Variants in DEUP1 observed in about 807,000 individuals in gnomAD.
DEUP1 encodes deuterosome assembly protein 1.
In DEUP1, 82 loss-of-function variants were observed where a neutral mutation model predicts 87.4. The observed-to-expected ratio is 0.94, with a 90% confidence interval of 0.78 to 1.13. DEUP1 has a LOEUF of 1.13. Ranked by LOEUF, DEUP1 falls within the 50% of genes most tolerant of loss-of-function variation. The probability of loss-of-function intolerance (pLI) is 0.00; values close to 1 mark genes in which losing one functional copy is unlikely to be tolerated. For missense variants in DEUP1, 663 were observed against 681.5 expected (o/e 0.97, Z 0.30); for synonymous variants, 214 against 222.7 (o/e 0.96, Z 0.35).
rs1416418947 is a variant in DEUP1, at chr11:93,396,361, G to A, written c.1326+36G>A. 1.7e-5 allele frequency: 22 copies of A among 1,282,878 alleles called. No individual in the cohort carries two copies. In the Middle Eastern group the frequency reaches 7.5e-4, roughly 44 times the overall value. The allele number at this position is 1,282,878 out of a possible 1,614,324, so 79.5% of individuals were successfully genotyped here. On this transcript the variant is annotated intron_variant, in intron 11 of 13. Coordinates refer to ENST00000298050, the MANE Select transcript of DEUP1 (RefSeq NM_181645.4). Reference sequence around the variant, plus strand: ...GACATCATTCAATAAATTGAACAAAGAGATTACTGAATTGGTCACGATTAA... The same window carrying A: ...GACATCATTCAATAAATTGAACAAAAAGATTACTGAATTGGTCACGATTAA...
chr11:93,401,807 T>C (rs1324550648), intron 11 of DEUP1, among the ~76,000 whole-genome samples: 1 of 151,976 alleles, frequency 6.6e-6, no homozygotes, highest in African/African-American at 2.4e-5. Flanking sequence ...TAATTACGTG[T>C]AGAAGAATAA....
At chr11:93,349,128 A>G (rs532225526) in intron 2 of DEUP1, among the ~76,000 whole-genome samples, 1 of 152,224 alleles carries the variant, frequency 6.6e-6, no homozygotes, top group East Asian at 1.9e-4. Flanking sequence ...CTGCCTTGCA[A>G]ATCTCTCTAT....
At chr11:93,401,933 A>C (rs1947132143) in intron 11 of DEUP1, among the ~76,000 whole-genome samples, 1 of 152,008 alleles carries the variant, frequency 6.6e-6, no homozygotes, top group African/African-American at 2.4e-5. Context: ...ATACTCCATG[A>C]CTTTAGTCTG....
chr11:93,341,578 GA>G (rs1214105087), intron 2 of DEUP1, among the ~76,000 whole-genome samples: 2 of 152,152 alleles, frequency 1.3e-5, no homozygotes, highest in African/African-American at 2.4e-5. Flanking sequence ...TTGGGTCTTG[GA>G]GGGTCTATTG....
intron 2 of DEUP1, among the ~76,000 whole-genome samples, chr11:93,352,697 G>A (rs1944684877): frequency 6.6e-6 from 1 of 152,144 alleles, no homozygotes; most frequent in Non-Finnish European, 1.5e-5. Flanking sequence ...GGCAGGAGGT[G>A]AAAGGCACTT....
intron 7 of DEUP1, among the ~76,000 whole-genome samples, chr11:93,372,440 A>C (rs1264709330): frequency 1.3e-5 from 2 of 152,080 alleles, no homozygotes; most frequent in Non-Finnish European, 2.9e-5. Context: ...TTTCCTTGAG[A>C]TATACCACCC....
At chr11:93,371,303 C>T in intron 7 of DEUP1, 23 bp downstream of exon 7, 1 of 1,601,058 alleles carries the variant, frequency 6.2e-7, no homozygotes, top group Non-Finnish European at 8.5e-7. Context: ...TTTTTTTCAA[C>T]TAATATTGTC....
intron 12 of DEUP1, among the ~76,000 whole-genome samples, chr11:93,409,395 T>C (rs1012432692): frequency 6.6e-6 from 1 of 152,254 alleles, no homozygotes; most frequent in African/African-American, 2.4e-5. Context: ...TATGGAGTCA[T>C]AAGTCTCTGA....
intron 1 of DEUP1, among the ~76,000 whole-genome samples, chr11:93,331,026 T>C (rs1943446228): frequency 6.6e-6 from 1 of 152,230 alleles, no homozygotes; most frequent in Non-Finnish European, 1.5e-5. Context: ...TTGTGTGGCC[T>C]TGGGCAAGCC....
At chr11:93,350,996 AT>A (rs1180914343) in intron 2 of DEUP1, among the ~76,000 whole-genome samples, 2 of 148,108 alleles carry the variant, frequency 1.4e-5, no homozygotes, top group African/African-American at 4.9e-5. Context: ...TTATATGAAA[AT>A]TTATTTTCAT....
intron 4 of DEUP1, among the ~76,000 whole-genome samples, chr11:93,360,264 C>A (rs949340324): frequency 3.9e-5 from 6 of 152,182 alleles, no homozygotes; most frequent in Non-Finnish European, 8.8e-5. Flanking sequence ...ACTTGGACAT[C>A]CACTATCCCC....
At chr11:93,435,137 CGCA>C (rs1397726529) in intron 13 of DEUP1, among the ~76,000 whole-genome samples, 6 of 152,142 alleles carry the variant, frequency 3.9e-5, no homozygotes, top group Non-Finnish European at 5.9e-5. Flanking sequence ...AAGGCAAACA[CGCA>C]GAATTCATAT....
At chr11:93,385,853 AC>A (rs1014929775) in intron 8 of DEUP1, among the ~76,000 whole-genome samples, 2 of 151,996 alleles carry the variant, frequency 1.3e-5, no homozygotes, top group African/African-American at 4.8e-5. Context: ...GGATTTCAAG[AC>A]AAGCCTTAGG....
chr11:93,371,782 A>G (rs966720007), intron 7 of DEUP1, among the ~76,000 whole-genome samples: 3 of 152,188 alleles, frequency 2.0e-5, no homozygotes, highest in Non-Finnish European at 4.4e-5. Flanking sequence ...CACATTGACA[A>G]ATATGATTGA....
intron 5 of DEUP1, among the ~76,000 whole-genome samples, chr11:93,365,593 G>A (rs951326007): frequency 6.6e-6 from 1 of 152,078 alleles, no homozygotes; most frequent in Non-Finnish European, 1.5e-5. Flanking sequence ...GACAAAAAAA[G>A]CCTTAAGTTA....
intron 4 of DEUP1, 26 bp downstream of exon 4, chr11:93,357,069 A>ATTTTTTTT: frequency 7.5e-7 from 1 of 1,327,448 alleles, no homozygotes; most frequent in Admixed American, 2.5e-5. Flanking sequence ...ATAATTTAAT[A>ATTTTTTTT]TCACACATTT....
chr11:93,346,681 A>T (rs1944366343), intron 2 of DEUP1, among the ~76,000 whole-genome samples: 1 of 152,130 alleles, frequency 6.6e-6, no homozygotes, highest in South Asian at 2.1e-4. Context: ...ATGAGCATGG[A>T]ATGTTTTTCC....
intron 7 of DEUP1, among the ~76,000 whole-genome samples, chr11:93,375,263 C>T: frequency 6.6e-6 from 1 of 151,994 alleles, no homozygotes. Context: ...TTCTTTTTTA[C>T]TGATTTGGAT....
intron 4 of DEUP1, among the ~76,000 whole-genome samples, chr11:93,362,971 TA>T (rs1387544694): frequency 6.6e-6 from 1 of 151,884 alleles, no homozygotes; most frequent in African/African-American, 2.4e-5. Flanking sequence ...TTCATAGCAT[TA>T]TTTACAGTAG....
Sources: gnomAD v4.1 joint callset for allele counts (sites outside exome capture counted in the v4.1 genomes callset) on GRCh38, gnomAD v4.1.1 for gene constraint, MANE v1.5 for transcripts, NCBI Gene and HGNC (gene_info 2026-07-23, HGNC 2026-07-21) for gene names.